Variants in ARHGEF6 observed in about 807,000 individuals in gnomAD.
The protein encoded by ARHGEF6 is Rac/Cdc42 guanine nucleotide exchange factor 6.
Under a neutral mutation model 70.3 loss-of-function variants are expected in ARHGEF6, and 9 were observed. The observed-to-expected ratio is 0.13, with a 90% CI of 0.08 to 0.22. The LOEUF (loss-of-function observed/expected upper bound fraction) is 0.22, where lower values mean the gene tolerates loss of function less well. Among genes scored for constraint, ARHGEF6 ranks in the 10% least tolerant of loss-of-function variants. The probability of loss-of-function intolerance (pLI) is 1.00; values close to 1 mark genes in which losing one functional copy is unlikely to be tolerated. For missense variants in ARHGEF6, 470 were observed against 563.0 expected, an observed-to-expected ratio of 0.83 and a Z score of 1.67; for synonymous variants, 201 against 207.8, an observed-to-expected ratio of 0.97 and a Z score of 0.28.
At chrX:136,701,745 TCAC>T (rs1294976811) in intron 9 of ARHGEF6, among the ~76,000 whole-genome samples, 2 of 97,812 alleles carry the variant, frequency 2.0e-5, no homozygotes, top group Non-Finnish European at 4.1e-5. Flanking sequence ...TCTCGCTCTG[TCAC>T]CCAGGCTGGA....
chrX:136,672,269 A>G, intron 19 of ARHGEF6, 150 bp from the exon 20 acceptor site: 1 of 495,974 alleles, frequency 2.0e-6, no homozygotes. Flanking sequence ...GTCACCCATC[A>G]TTTGCTGACT....
At chrX:136,763,651 C>T (rs1257865493) in intron 2 of ARHGEF6, among the ~76,000 whole-genome samples, 1 of 111,016 alleles carries the variant, frequency 9.0e-6, no homozygotes, top group Non-Finnish European at 1.9e-5. Context: ...ATGGTGAAAC[C>T]CCATCTCTAT....
intron 2 of ARHGEF6, among the ~76,000 whole-genome samples, chrX:136,766,304 C>T (rs998933211): frequency 1.0e-4 from 11 of 105,263 alleles, no homozygotes; most frequent in Non-Finnish European, 2.1e-4. Context: ...TAAAAAAAAA[C>T]AGTTTGAACC....
At chrX:136,758,343 C>T (rs1457862788) in intron 2 of ARHGEF6, among the ~76,000 whole-genome samples, 1 of 109,707 alleles carries the variant, frequency 9.1e-6, no homozygotes, top group Non-Finnish European at 1.9e-5. Context: ...TGAGCCACTG[C>T]GCCCGGCCAA....
chrX:136,724,576 G>A (rs1328667735), intron 6 of ARHGEF6, among the ~76,000 whole-genome samples: 2 of 110,983 alleles, frequency 1.8e-5, no homozygotes, highest in African/African-American at 6.6e-5. Context: ...CTGCAGCATT[G>A]GCCTCCCAGA....
rs774720501 is a variant in ARHGEF6, at chrX:136,672,043, G to A, written c.2112C>T (p.Asn704=). Residue 704 remains asparagine (N), a synonymous_variant, in exon 20 of 22, where the codon AAC becomes AAT. Transcript: ENST00000250617. ...ACTTTTCTTCCATGATGGTCTGGCC[G>A]TTGCTTCTGGTTTCTTCAATGATGA... is the stretch of plus-strand genomic sequence containing the variant. ...EKLIIEETRS[N]GQTIMEEKSL... 6.5e-5 allele frequency: 79 copies of A among 1,207,958 alleles called. No individual in the cohort carries two copies. The highest frequency in any genetic ancestry group is 7.6e-5 in the Non-Finnish European group (68 of 893,272).
At chrX:136,728,555 ATG>A (rs1346100784) in intron 6 of ARHGEF6, among the ~76,000 whole-genome samples, 5 of 106,491 alleles carry the variant, frequency 4.7e-5, no homozygotes, top group Non-Finnish European at 7.8e-5. Context: ...GATTAATTTT[ATG>A]TGTCGACCCA....
At chrX:136,670,800 T>C (rs1421934035) in intron 20 of ARHGEF6, among the ~76,000 whole-genome samples, 1 of 111,600 alleles carries the variant, frequency 9.0e-6, no homozygotes. Flanking sequence ...GAGGCATTCT[T>C]TCTGGAATAT....
At chrX:136,743,895 G>T (rs2077069521) in intron 4 of ARHGEF6, 109 bp from the exon 5 acceptor site, 12 of 713,859 alleles carry the variant, frequency 1.7e-5, no homozygotes, top group South Asian at 1.6e-4. Flanking sequence ...CAAAACCCCA[G>T]ATCCATCTCA....
chrX:136,678,552 A>G (rs986367465), intron 16 of ARHGEF6, among the ~76,000 whole-genome samples: 7 of 111,783 alleles, frequency 6.3e-5, no homozygotes, highest in African/African-American at 2.3e-4. Context: ...GTCAAGTTGA[A>G]AGGATCAAAA....
chrX:136,744,151 C>T (rs890395088), intron 4 of ARHGEF6, among the ~76,000 whole-genome samples: 1 of 111,541 alleles, frequency 9.0e-6, no homozygotes, highest in Non-Finnish European at 1.9e-5. Context: ...CTACTCAACA[C>T]ACAAACAGTC....
chrX:136,690,565 G>T, intron 10 of ARHGEF6, 45 bp downstream of exon 10: 2 of 1,207,676 alleles, frequency 1.7e-6, no homozygotes, highest in South Asian at 3.5e-5. Flanking sequence ...CAGAGCACAG[G>T]ACCATACTTG....
chrX:136,755,610 G>A lies in ARHGEF6; in HGVS notation c.250-8018C>T, dbSNP rs763754054. Among the ~76,000 whole-genome samples, 21 of 111,950 alleles carry A rather than the reference G, an allele frequency of 1.9e-4. 1 individual carries two copies. The highest frequency in any genetic ancestry group is 6.5e-4 in the African/African-American group (20 of 30,803). On this transcript the variant is annotated intron_variant, in intron 2 of 21. Transcript: ENST00000250617. ...AGGGCCATGAAACAAAAGAGCCACT[G>A]CTAGTCGCCTTCAGCAGCAGCCCTT...
intron 6 of ARHGEF6, among the ~76,000 whole-genome samples, chrX:136,726,057 A>C (rs980649571): frequency 8.9e-6 from 1 of 112,235 alleles, no homozygotes; most frequent in Non-Finnish European, 1.9e-5. Context: ...CCAATGATAA[A>C]GGAGACTATA....
Position 136,665,820 on chromosome X carries a change from A to G in ARHGEF6, c.*2209T>C, listed in dbSNP as rs2076156364. The G allele has an allele frequency of 9.0e-6, 1 of 111,710 alleles. No individual in the cohort carries two copies. Among genetic ancestry groups the G allele is most frequent in the Non-Finnish European group, 1.9e-5 (1 of 53,016 alleles). The allele number at this position is 111,710 out of a possible 1,213,427, so 9.2% of individuals were successfully genotyped here. On this transcript the variant is annotated 3_prime_UTR_variant, in exon 22 of 22. Coordinates refer to ENST00000250617, the MANE Select transcript of ARHGEF6 (RefSeq NM_004840.3). ...AGTTTAGTGTGTAAGCATGGTTACC[A>G]CTCTGCACAAGCTTCGTTATCCAGA... is the stretch of plus-strand genomic sequence containing the variant.
At chrX:136,764,663 G>A (rs1029331449) in intron 2 of ARHGEF6, among the ~76,000 whole-genome samples, 12 of 111,446 alleles carry the variant, frequency 1.1e-4, no homozygotes, top group African/African-American at 3.9e-4. Flanking sequence ...AGGGGCACGA[G>A]GATAGCTTCT....
rs143115645 is a variant in ARHGEF6 at position 136,765,541 on chromosome X, G to T, written c.249+13873C>A. Among the ~76,000 whole-genome samples, 432 of 112,277 alleles carry T rather than the reference G, an allele frequency of 3.8e-3. 1 individual carries two copies. The highest frequency in any genetic ancestry group is 0.013 in the African/African-American group (396 of 30,950). On this transcript the variant is annotated intron_variant, in intron 2 of 21. Coordinates refer to ENST00000250617, the MANE Select transcript of ARHGEF6 (RefSeq NM_004840.3). ...ACTCTCCTCCTGTCCTTACCCCTAAGAACAGCGCCAGCCCTGCACAAGCAA... is the reference window on the plus strand; with the variant it reads ...ACTCTCCTCCTGTCCTTACCCCTAATAACAGCGCCAGCCCTGCACAAGCAA...
chrX:136,687,990 T>A lies in ARHGEF6; in HGVS notation c.1187A>T (p.Asp396Val). 1 of 1,195,863 alleles carries A rather than the reference T, an allele frequency of 8.4e-7. No individual in the cohort carries two copies. The highest frequency in any genetic ancestry group is 1.1e-6 in the Non-Finnish European group (1 of 880,974). The change falls in exon 11 of 22, where the codon GAT becomes GTT. Residue 396 changes from aspartate (D) to valine (V), a missense_variant and splice_region_variant. By Grantham distance (152) the Asp-to-Val change is radical (BLOSUM62 -3). Coordinates refer to ENST00000250617, the MANE Select transcript of ARHGEF6 (RefSeq NM_004840.3). ...AATATCCTGATGATCTGGATGAGTA[T>A]CCTATCAAAGGAATACATTTGAAAA... is the stretch of plus-strand genomic sequence containing the variant. Reference protein sequence around the residue: ...LLQELERHMEDTHPDHQDILK... With the variant: ...LLQELERHMEVTHPDHQDILK...
At position 136,703,583 on chromosome X, in the gene ARHGEF6, C is replaced by T. The variant is rs181598378; in HGVS notation, c.1046+3325G>A. 6.7e-3 allele frequency among the ~76,000 whole-genome samples: 750 copies of T among 112,288 alleles called. 4 individuals are homozygous for T. Among genetic ancestry groups the T allele is most frequent in the Non-Finnish European group, 8.0e-3 (426 of 53,244 alleles). On this transcript the variant is annotated intron_variant, in intron 9 of 21. Coordinates refer to ENST00000250617, the MANE Select transcript of ARHGEF6 (RefSeq NM_004840.3). Reference sequence around the variant, plus strand: ...TGTTGCCCAGGCAGGAGTGCAATGGCGCAATCTCGGCTCACGGCAACCTCC... The same window carrying T: ...TGTTGCCCAGGCAGGAGTGCAATGGTGCAATCTCGGCTCACGGCAACCTCC...
Sources: gnomAD v4.1 joint callset for allele counts (sites outside exome capture counted in the v4.1 genomes callset) on GRCh38, gnomAD v4.1.1 for gene constraint, MANE v1.5 for transcripts, NCBI Gene and HGNC (gene_info 2026-07-23, HGNC 2026-07-21) for gene names.